The following GALNT17 variants were observed in gnomAD, a reference collection of about 807,000 sequenced individuals.
GALNT17 encodes UDP-GalNAc:polypeptide N-acetylgalactosaminyltransferase-like 3.
GALNT17 carries 29 observed loss-of-function variants against 63.7 expected under a neutral mutation model. That is an observed-to-expected ratio of 0.46 (90% CI 0.34 to 0.62). GALNT17 has a LOEUF of 0.62. GALNT17 is among the 20% of genes least tolerant of loss of function. GALNT17 has a pLI of 0.01. For synonymous variants in GALNT17, 305 were observed against 318.3 expected (o/e 0.96, Z 0.45); for missense variants, 603 against 799.6 (o/e 0.75, Z 2.97).
intron 1 of GALNT17, among the ~76,000 whole-genome samples, chr7:71,159,713 G>T (rs1289504514): frequency 6.7e-6 from 1 of 149,374 alleles, no homozygotes; most frequent in Admixed American, 6.7e-5. Flanking sequence ...GGCATCTGCT[G>T]TCACTGTGTG....
At chr7:71,352,212 T>C (rs1792201271) in intron 2 of GALNT17, among the ~76,000 whole-genome samples, 1 of 152,214 alleles carries the variant, frequency 6.6e-6, no homozygotes, top group African/African-American at 2.4e-5. Context: ...GACTCTCTAA[T>C]TCTCTCTTGC....
intron 9 of GALNT17, chr7:71,685,828 C>T (rs1791345088): frequency 6.6e-6 from 1 of 151,582 alleles, no homozygotes; most frequent in African/African-American, 2.4e-5. Flanking sequence ...CCAGGACAGA[C>T]GCTGTTTAGG....
chr7:71,647,073 T>C (rs938529481), intron 6 of GALNT17, among the ~76,000 whole-genome samples: 1 of 150,302 alleles, frequency 6.7e-6, no homozygotes, highest in Non-Finnish European at 1.5e-5. Context: ...TTTATTTTAT[T>C]TTATTTTTTG....
chr7:71,647,714 T>C (rs1039031138), intron 6 of GALNT17, among the ~76,000 whole-genome samples: 3 of 152,230 alleles, frequency 2.0e-5, no homozygotes, highest in Non-Finnish European at 4.4e-5. Context: ...CTCTGAGCAG[T>C]GCCCAGTAAT....
At chr7:71,456,942 G>A (rs1366400189) in intron 5 of GALNT17, among the ~76,000 whole-genome samples, 1 of 152,130 alleles carries the variant, frequency 6.6e-6, no homozygotes, top group Admixed American at 6.5e-5. Flanking sequence ...GGGACAACTC[G>A]AAGCGGGGGG....
chr7:71,690,019 C>CTTTTTTTTTTTTT (rs36049127), intron 9 of GALNT17, among the ~76,000 whole-genome samples: 1 of 142,826 alleles, frequency 7.0e-6, no homozygotes, highest in Non-Finnish European at 1.5e-5. Context: ...TACTGAATAT[C>CTTTTTTTTTTTTT]TTTTTTTTTT....
intron 5 of GALNT17, among the ~76,000 whole-genome samples, chr7:71,559,525 G>A (rs1789217857): frequency 6.6e-6 from 1 of 152,116 alleles, no homozygotes; most frequent in South Asian, 2.1e-4. Flanking sequence ...GGAAAATGGG[G>A]CTAATAATAT....
chr7:71,224,695 A>G (rs1789649862), intron 1 of GALNT17, among the ~76,000 whole-genome samples: 1 of 152,102 alleles, frequency 6.6e-6, no homozygotes, highest in Non-Finnish European at 1.5e-5. Context: ...CTTTCTTTGG[A>G]TGGTGATGTG....
chr7:71,343,866 T>C (rs552797009), intron 2 of GALNT17, among the ~76,000 whole-genome samples: 148 of 152,330 alleles, frequency 9.7e-4, no homozygotes, highest in African/African-American at 3.2e-3. Context: ...TTATGCTTTT[T>C]GTATATAAGT....
At chr7:71,580,407 A>T (rs1177684490) in intron 6 of GALNT17, among the ~76,000 whole-genome samples, 1 of 136,902 alleles carries the variant, frequency 7.3e-6, no homozygotes, top group African/African-American at 2.9e-5. Context: ...GATGATAGAT[A>T]GATAGATAGA....
chr7:71,595,660 G>GACACACACAC (rs61389262), intron 6 of GALNT17, among the ~76,000 whole-genome samples: 3 of 142,784 alleles, frequency 2.1e-5, no homozygotes, highest in Admixed American at 7.1e-5. Context: ...GAGAGACTGA[G>GACACACACAC]ACACACACAC....
At chr7:71,169,283 G>A (rs1208394835) in intron 1 of GALNT17, among the ~76,000 whole-genome samples, 1 of 152,120 alleles carries the variant, frequency 6.6e-6, no homozygotes, top group Non-Finnish European at 1.5e-5. Flanking sequence ...CAGGGAGTCC[G>A]CCAGCATCCC....
chr7:71,278,328 T>C (rs1480815758), intron 1 of GALNT17, among the ~76,000 whole-genome samples: 1 of 152,200 alleles, frequency 6.6e-6, no homozygotes, highest in Non-Finnish European at 1.5e-5. Context: ...CTCAGATTTC[T>C]AGAGCCTAGA....
chr7:71,298,186 A>G (rs1791118117), intron 1 of GALNT17, among the ~76,000 whole-genome samples: 1 of 151,362 alleles, frequency 6.6e-6, no homozygotes, highest in South Asian at 2.1e-4. Flanking sequence ...ATGCCTGGCC[A>G]ATTTTTGTAT....
intron 1 of GALNT17, among the ~76,000 whole-genome samples, chr7:71,179,729 A>G (rs1788702676): frequency 6.6e-6 from 1 of 152,108 alleles, no homozygotes; most frequent in Admixed American, 6.5e-5. Flanking sequence ...TCTAGCCCCC[A>G]AGTTTTTTTC....
At chr7:71,495,083 T>C (rs546421727) in intron 5 of GALNT17, among the ~76,000 whole-genome samples, 62 of 152,216 alleles carry the variant, frequency 4.1e-4, no homozygotes, top group African/African-American at 1.4e-3. Flanking sequence ...CCAGCCTGGC[T>C]AACACATAGT....
chr7:71,529,640 G>A (rs1004642798), intron 5 of GALNT17, among the ~76,000 whole-genome samples: 1 of 152,144 alleles, frequency 6.6e-6, no homozygotes, highest in Non-Finnish European at 1.5e-5. Flanking sequence ...TAAGAGAGAC[G>A]GCTTTTCCCA....
intron 3 of GALNT17, among the ~76,000 whole-genome samples, chr7:71,403,755 T>G (rs1793280233): frequency 6.6e-6 from 1 of 152,158 alleles, no homozygotes; most frequent in African/African-American, 2.4e-5. Context: ...CAAACGCGTT[T>G]AAAGAAAACT....
intron 1 of GALNT17, among the ~76,000 whole-genome samples, chr7:71,291,663 T>C (rs12699008): frequency 0.054 from 8,242 of 152,284 alleles, 247 homozygotes; most frequent in Non-Finnish European, 0.074. Context: ...ATTTTTAATT[T>C]TAATGTTATG....
Sources: gnomAD v4.1 joint callset for allele counts (sites outside exome capture counted in the v4.1 genomes callset) on GRCh38, gnomAD v4.1.1 for gene constraint, MANE v1.5 for transcripts, NCBI Gene and HGNC (gene_info 2026-07-23, HGNC 2026-07-21) for gene names.